CTNNA3: variants seen among roughly 807,000 people sequenced by gnomAD.
CTNNA3 encodes catenin alpha 3, also known as catenin alpha-3.
In CTNNA3, 76 loss-of-function variants were observed where a neutral mutation model predicts 95.7. The observed-to-expected ratio is 0.79, with a 90% CI of 0.66 to 0.96. CTNNA3 has a LOEUF of 0.96. CTNNA3 is among the 40% of genes least tolerant of loss of function. CTNNA3 has a pLI of 0.00. For missense variants in CTNNA3, 1,191 were observed against 1,089.8 expected (o/e 1.09, Z -1.31); for synonymous variants, 431 against 374.4 (o/e 1.15, Z -1.74).
At chr10:67,523,857 TCTCA>T (rs1840057770) in intron 4 of CTNNA3, among the ~76,000 whole-genome samples, 1 of 152,220 alleles carries the variant, frequency 6.6e-6, no homozygotes, top group Admixed American at 6.5e-5. Flanking sequence ...CTTGGTTCAT[TCTCA>T]CTATGTTCAA....
intron 10 of CTNNA3, among the ~76,000 whole-genome samples, chr10:66,583,204 A>T (rs1408860979): frequency 6.6e-6 from 1 of 151,828 alleles, no homozygotes; most frequent in Non-Finnish European, 1.5e-5. Flanking sequence ...AATAGATTCA[A>T]TCGAATTAGT....
At position 66,509,064 on chromosome 10, in the gene CTNNA3, T is replaced by C. The variant is rs1042126788; in HGVS notation, c.1531+11553A>G. ...CCAGCGTTTGTTATTTATTTTTGTC[T>C]TTTTGATAATAGGAATTCTGACTTG... On this transcript the variant is annotated intron_variant, in intron 11 of 17. Transcript: ENST00000433211. Among the ~76,000 whole-genome samples, 34 of 152,248 alleles carry C rather than the reference T, an allele frequency of 2.2e-4. 1 individual carries two copies. Among genetic ancestry groups the C allele is most frequent in the African/African-American group, 7.5e-4 (31 of 41,576 alleles).
chr10:67,084,664 T>A (rs1412900228), intron 7 of CTNNA3, among the ~76,000 whole-genome samples: 1 of 151,896 alleles, frequency 6.6e-6, no homozygotes, highest in East Asian at 1.9e-4. Flanking sequence ...CTTTGATAAC[T>A]TTTATAATGG....
At chr10:67,455,400 A>C (rs1213926212) in intron 5 of CTNNA3, among the ~76,000 whole-genome samples, 1 of 151,982 alleles carries the variant, frequency 6.6e-6, no homozygotes, top group Non-Finnish European at 1.5e-5. Context: ...GTTTACAGAT[A>C]CTCCCCCTCC....
chr10:67,486,240 G>C (rs1484881246), intron 5 of CTNNA3, among the ~76,000 whole-genome samples: 1 of 152,140 alleles, frequency 6.6e-6, no homozygotes, highest in African/African-American at 2.4e-5. Context: ...GTTGAAGTTT[G>C]CCTCCAGAAT....
intron 9 of CTNNA3, among the ~76,000 whole-genome samples, chr10:66,733,007 G>T (rs993138000): frequency 5.9e-5 from 9 of 151,926 alleles, no homozygotes; most frequent in African/African-American, 1.7e-4. Context: ...TGTTGAACTG[G>T]CTGGTCTTGA....
At chr10:66,468,348 T>C (rs1055147341) in intron 11 of CTNNA3, among the ~76,000 whole-genome samples, 1 of 152,038 alleles carries the variant, frequency 6.6e-6, no homozygotes, top group African/African-American at 2.4e-5. Context: ...GAACAGTACA[T>C]ACAACAAGGC....
chr10:67,188,587 G>C (rs984879591), intron 6 of CTNNA3, among the ~76,000 whole-genome samples: 1 of 151,928 alleles, frequency 6.6e-6, no homozygotes, highest in African/African-American at 2.4e-5. Flanking sequence ...ACAGCTGGAG[G>C]TTCCTTAAAA....
intron 1 of CTNNA3, among the ~76,000 whole-genome samples, chr10:67,734,179 T>C (rs1004474860): frequency 2.6e-5 from 4 of 152,186 alleles, no homozygotes; most frequent in Non-Finnish European, 5.9e-5. Flanking sequence ...ATAACTTCTG[T>C]TCAAATATTA....
chr10:67,689,710 C>G (rs1840805487), intron 1 of CTNNA3, among the ~76,000 whole-genome samples: 1 of 152,038 alleles, frequency 6.6e-6, no homozygotes, highest in South Asian at 2.1e-4. Context: ...CTGGAAGTAC[C>G]ATTAAAGTGG....
intron 1 of CTNNA3, among the ~76,000 whole-genome samples, chr10:67,727,515 TATC>T (rs1438227109): frequency 1.4e-4 from 19 of 131,716 alleles, no homozygotes; most frequent in Admixed American, 2.7e-4. Flanking sequence ...ATATATAACA[TATC>T]ATATATTATG....
At chr10:65,943,348 T>C (rs1210272950) in intron 17 of CTNNA3, among the ~76,000 whole-genome samples, 1 of 152,192 alleles carries the variant, frequency 6.6e-6, no homozygotes, top group Non-Finnish European at 1.5e-5. Context: ...TCGTTTTTAA[T>C]ATGCATTGTG....
intron 5 of CTNNA3, among the ~76,000 whole-genome samples, chr10:67,361,011 T>TAA (rs549641162): frequency 1.4e-5 from 2 of 137,996 alleles, no homozygotes; most frequent in East Asian, 4.2e-4. Context: ...CCATCTACAG[T>TAA]AAAAAAAAAA....
intron 3 of CTNNA3, among the ~76,000 whole-genome samples, chr10:67,601,607 G>C (rs552143804): frequency 6.6e-6 from 1 of 152,244 alleles, no homozygotes; most frequent in East Asian, 1.9e-4. Flanking sequence ...CTATATAAAG[G>C]TAGTATATAT....
intron 17 of CTNNA3, among the ~76,000 whole-genome samples, chr10:65,947,274 C>T (rs1316322820): frequency 3.9e-5 from 6 of 152,184 alleles, no homozygotes; most frequent in African/African-American, 7.2e-5. Context: ...ACTAAAGGCA[C>T]GGCATTTTCT....
intron 13 of CTNNA3, among the ~76,000 whole-genome samples, chr10:66,220,760 C>T (rs1019347445): frequency 7.2e-5 from 11 of 152,136 alleles, no homozygotes; most frequent in African/African-American, 2.7e-4. Context: ...CTCTTCTCCA[C>T]AGTCCCACCA....
At chr10:67,185,829 G>A (rs1237558722) in intron 6 of CTNNA3, among the ~76,000 whole-genome samples, 1 of 151,972 alleles carries the variant, frequency 6.6e-6, no homozygotes, top group African/African-American at 2.4e-5. Flanking sequence ...AGACCAGCCT[G>A]GCCAACATGG....
At chr10:67,030,716 A>G (rs1393373594) in intron 7 of CTNNA3, among the ~76,000 whole-genome samples, 1 of 152,094 alleles carries the variant, frequency 6.6e-6, no homozygotes. Flanking sequence ...GAATATCAGA[A>G]AAGTACCGGT....
intron 9 of CTNNA3, among the ~76,000 whole-genome samples, chr10:66,725,462 G>A (rs1848752235): frequency 6.6e-6 from 1 of 152,082 alleles, no homozygotes; most frequent in South Asian, 2.1e-4. Flanking sequence ...GTTAAGACCA[G>A]GTATCTGATT....
Sources: gnomAD v4.1 joint callset for allele counts (sites outside exome capture counted in the v4.1 genomes callset) on GRCh38, gnomAD v4.1.1 for gene constraint, MANE v1.5 for transcripts, NCBI Gene and HGNC (gene_info 2026-07-23, HGNC 2026-07-21) for gene names.